Variants in PACSIN2 observed in about 807,000 individuals in gnomAD.
PACSIN2 encodes protein kinase C and casein kinase substrate in neurons protein 2.
Under a neutral mutation model 63.8 loss-of-function variants are expected in PACSIN2, and 25 were observed. The observed-to-expected ratio is 0.39, with a 90% confidence interval of 0.29 to 0.55. The LOEUF is 0.55. Among genes scored for constraint, PACSIN2 ranks in the 20% least tolerant of loss-of-function variants. The probability of loss-of-function intolerance (pLI) is 0.62; values close to 1 mark genes in which losing one functional copy is unlikely to be tolerated. For synonymous variants in PACSIN2, 255 were observed against 256.2 expected, an observed-to-expected ratio of 1.00 and a Z score of 0.05; for missense variants, 518 against 646.9, an observed-to-expected ratio of 0.80 and a Z score of 2.16.
intron 1 of PACSIN2, among the ~76,000 whole-genome samples, chr22:42,969,043 C>CTCCATCCATCCA (rs60039459): frequency 0.039 from 5,880 of 150,852 alleles, 133 homozygotes; most frequent in Non-Finnish European, 0.047. Context: ...ATCTATCTAT[C>CTCCATCCATCCA]TCCATCCATC....
At chr22:43,010,229 G>A (rs1924375151) in intron 1 of PACSIN2, among the ~76,000 whole-genome samples, 1 of 151,202 alleles carries the variant, frequency 6.6e-6, no homozygotes, top group Non-Finnish European at 1.5e-5. Context: ...CAAGAAACAC[G>A]CAAATGATTT....
At chr22:42,917,891 C>G (rs547393226) in intron 1 of PACSIN2, among the ~76,000 whole-genome samples, 1 of 152,132 alleles carries the variant, frequency 6.6e-6, no homozygotes, top group South Asian at 2.1e-4. Flanking sequence ...TCCCAAGTAG[C>G]TAGGACTACA....
Position 42,981,054 on chromosome 22 carries a change from G to A in PACSIN2, c.-78+33967C>T, listed in dbSNP as rs1030753791. On this transcript the variant is annotated intron_variant, in intron 1 of 10. Transcript: ENST00000263246. ...AGGAAGCGAGGAGCGCCTCTTCCCCGCCGCCATCCCATCTAGGAAGTGAGG... is the reference window on the plus strand; with the variant it reads ...AGGAAGCGAGGAGCGCCTCTTCCCCACCGCCATCCCATCTAGGAAGTGAGG... Among the ~76,000 whole-genome samples, 20 of 148,224 alleles carry A rather than the reference G, an allele frequency of 1.3e-4. No individual in the cohort carries two copies. The East Asian group carries it at 1.9e-3, about 14-fold the overall frequency.
intron 10 of PACSIN2, among the ~76,000 whole-genome samples, chr22:42,875,101 C>T (rs1207701836): frequency 2.0e-5 from 3 of 151,818 alleles, no homozygotes; most frequent in African/African-American, 4.8e-5. Context: ...CTGTGTGCCT[C>T]GGCCTCCCAA....
rs1349164545 is a variant in PACSIN2, at chr22:42,887,562, T to C, written c.609+1081A>G. Among the ~76,000 whole-genome samples, 3 of 152,210 alleles carry C rather than the reference T, an allele frequency of 2.0e-5. No individual in the cohort carries two copies. In the East Asian group the frequency reaches 5.8e-4, roughly 30 times the overall value. On this transcript the variant is annotated intron_variant, in intron 5 of 10. Transcript: ENST00000263246. ...TTCCGTCTCTCTCTGCAAATCCTGGTTGGGAATCTCCTCTCCAAACACCGA... is the reference window on the plus strand; with the variant it reads ...TTCCGTCTCTCTCTGCAAATCCTGGCTGGGAATCTCCTCTCCAAACACCGA...
chr22:43,012,772 C>T (rs1335083989), intron 1 of PACSIN2, among the ~76,000 whole-genome samples: 1 of 152,114 alleles, frequency 6.6e-6, no homozygotes, highest in African/African-American at 2.4e-5. Context: ...CCTTCCTCAG[C>T]CTCCCAAGTA....
intron 1 of PACSIN2, among the ~76,000 whole-genome samples, chr22:42,963,659 C>G (rs1920931552): frequency 6.6e-6 from 1 of 152,180 alleles, no homozygotes; most frequent in Admixed American, 6.5e-5. Flanking sequence ...GAAACCACCA[C>G]AGAACATAAG....
chr22:42,881,907 G>A (rs1929104822), intron 7 of PACSIN2, among the ~76,000 whole-genome samples: 1 of 152,140 alleles, frequency 6.6e-6, no homozygotes. Flanking sequence ...AGGAAGGAAG[G>A]GAATGCCAGT....
chr22:42,939,591 C>T (rs549473394), intron 1 of PACSIN2, among the ~76,000 whole-genome samples: 35 of 152,206 alleles, frequency 2.3e-4, no homozygotes, highest in Non-Finnish European at 4.4e-4. Context: ...CACAGGGCAA[C>T]GTTTTTAACA....
intron 1 of PACSIN2, among the ~76,000 whole-genome samples, chr22:42,986,372 A>G (rs973149205): frequency 6.6e-6 from 1 of 152,174 alleles, no homozygotes; most frequent in African/African-American, 2.4e-5. Flanking sequence ...ACTCGTGAGT[A>G]TCAATCAAGG....
At chr22:42,951,570 C>A (rs574292783) in intron 1 of PACSIN2, among the ~76,000 whole-genome samples, 17 of 152,212 alleles carry the variant, frequency 1.1e-4, no homozygotes, top group Non-Finnish European at 2.4e-4. Flanking sequence ...CTGCATCCCC[C>A]GGTTGGGCTC....
At chr22:42,984,315 G>T (rs536416825) in intron 1 of PACSIN2, among the ~76,000 whole-genome samples, 4,196 of 152,134 alleles carry the variant, frequency 0.028, 80 homozygotes, top group Non-Finnish European at 0.042. Context: ...TGCCCTCAAT[G>T]AAAAGAAACA....
At chr22:42,987,995 G>C (rs1297268034) in intron 1 of PACSIN2, among the ~76,000 whole-genome samples, 1 of 152,050 alleles carries the variant, frequency 6.6e-6, no homozygotes, top group Non-Finnish European at 1.5e-5. Flanking sequence ...ACAAAAATTA[G>C]CCAGGTGTGA....
chr22:42,985,794 A>G (rs1008455258), intron 1 of PACSIN2, among the ~76,000 whole-genome samples: 3 of 152,110 alleles, frequency 2.0e-5, no homozygotes, highest in Non-Finnish European at 4.4e-5. Flanking sequence ...CCAGACGCCT[A>G]ACCCCTCCCC....
At chr22:42,949,058 G>C (rs968780483) in intron 1 of PACSIN2, among the ~76,000 whole-genome samples, 4 of 152,114 alleles carry the variant, frequency 2.6e-5, no homozygotes, top group Non-Finnish European at 5.9e-5. Context: ...TTTGGGAGGT[G>C]GAGGTGGAAG....
chr22:42,941,403 A>G (rs1211207297), intron 1 of PACSIN2, among the ~76,000 whole-genome samples: 2 of 152,208 alleles, frequency 1.3e-5, no homozygotes, highest in African/African-American at 2.4e-5. Flanking sequence ...TTTTGAGTAG[A>G]TACCTAGGAG....
At chr22:43,000,837 G>A (rs1923720183) in intron 1 of PACSIN2, among the ~76,000 whole-genome samples, 1 of 152,250 alleles carries the variant, frequency 6.6e-6, no homozygotes, top group African/African-American at 2.4e-5. Context: ...CATACTGTGT[G>A]GCACTGCCGT....
intron 1 of PACSIN2, among the ~76,000 whole-genome samples, chr22:42,961,075 C>T (rs1601582729): frequency 6.6e-6 from 1 of 152,162 alleles, no homozygotes; most frequent in East Asian, 1.9e-4. Flanking sequence ...AGGGCGGTTC[C>T]TCCTTTCAAC....
Position 42,870,925 on chromosome 22 carries a change from C to T in PACSIN2, c.*432G>A. 1 of 199,482 alleles carries T rather than the reference C, an allele frequency of 5.0e-6. No homozygotes were observed. The highest frequency in any genetic ancestry group is 1.2e-4 in the East Asian group (1 of 8,530). 12.4% of individuals were successfully genotyped at this position (199,482 alleles called of 1,614,324 possible). On this transcript the variant is annotated 3_prime_UTR_variant, in exon 11 of 11. Transcript: ENST00000263246. Reference sequence around the variant, plus strand: ...GTGTATAAAAAAGTATAACTGTACACAGCCTTTAAATTAAAAACCTCAAAA... The same window carrying T: ...GTGTATAAAAAAGTATAACTGTACATAGCCTTTAAATTAAAAACCTCAAAA...
Sources: allele counts gnomAD v4.1 joint callset (sites outside exome capture counted in the v4.1 genomes callset), GRCh38; gene constraint gnomAD v4.1.1; transcripts MANE v1.5; gene names NCBI Gene and HGNC (gene_info 2026-07-23, HGNC 2026-07-21).